ADGRL3: variants seen among roughly 807,000 people sequenced by gnomAD.
ADGRL3 encodes the protein calcium-independent alpha-latrotoxin receptor 3.
Under a neutral mutation model 153.5 loss-of-function variants are expected in ADGRL3, and 62 were observed. The ratio of observed to expected loss-of-function variants is 0.40; its 90% confidence interval spans 0.33 to 0.50. The LOEUF (loss-of-function observed/expected upper bound fraction) is 0.50. ADGRL3 is among the 20% of genes least tolerant of loss of function. The probability of loss-of-function intolerance (pLI) is 0.47; values close to 1 mark genes in which losing one functional copy is unlikely to be tolerated. For synonymous variants in ADGRL3, 710 were observed against 672.5 expected, an observed-to-expected ratio of 1.06 and a Z score of -0.86; for missense variants, 1,641 against 1,859.4, an observed-to-expected ratio of 0.88 and a Z score of 2.16.
At chr4:61,869,146 G>T (rs1043685569) in intron 9 of ADGRL3, among the ~76,000 whole-genome samples, 11 of 152,000 alleles carry the variant, frequency 7.2e-5, no homozygotes, top group African/African-American at 2.7e-4. Context: ...GTTTTACCAT[G>T]TTGCCCAGGC....
At chr4:61,670,911 C>A (rs1254650176) in intron 5 of ADGRL3, among the ~76,000 whole-genome samples, 2 of 152,132 alleles carry the variant, frequency 1.3e-5, no homozygotes, top group African/African-American at 4.8e-5. Flanking sequence ...GTAGGATGTC[C>A]TCGGTCCTTG....
At chr4:61,982,650 T>G (rs887056635) in intron 18 of ADGRL3, among the ~76,000 whole-genome samples, 1 of 152,156 alleles carries the variant, frequency 6.6e-6, no homozygotes, top group Non-Finnish European at 1.5e-5. Context: ...TTGTAGTACT[T>G]TAGAAAATAT....
chr4:62,043,301 A>G (rs958355546), intron 24 of ADGRL3, among the ~76,000 whole-genome samples: 1 of 152,190 alleles, frequency 6.6e-6, no homozygotes, highest in South Asian at 2.1e-4. Context: ...TTGGCAGGCA[A>G]TAGAGGGTAA....
At chr4:61,636,970 A>G (rs1286684397) in intron 5 of ADGRL3, among the ~76,000 whole-genome samples, 1 of 152,156 alleles carries the variant, frequency 6.6e-6, no homozygotes, top group African/African-American at 2.4e-5. Flanking sequence ...GTATACTATT[A>G]TAAGGTTCTT....
At chr4:61,762,721 A>T (rs907629098) in intron 8 of ADGRL3, among the ~76,000 whole-genome samples, 13 of 152,202 alleles carry the variant, frequency 8.5e-5, no homozygotes, top group African/African-American at 3.1e-4. Flanking sequence ...TTTTGCTAAG[A>T]TACAAAAATC....
chr4:61,746,762 T>G (rs1347464312), intron 8 of ADGRL3, among the ~76,000 whole-genome samples: 1 of 151,990 alleles, frequency 6.6e-6, no homozygotes, highest in East Asian at 1.9e-4. Context: ...GCAGGAAAGA[T>G]CCAAAATTGA....
chr4:61,877,998 C>T (rs543887606), intron 9 of ADGRL3, among the ~76,000 whole-genome samples: 1 of 152,280 alleles, frequency 6.6e-6, no homozygotes, highest in African/African-American at 2.4e-5. Context: ...TGCCTTGCCT[C>T]CCCTTCACCT....
intron 2 of ADGRL3, among the ~76,000 whole-genome samples, chr4:61,440,702 A>T (rs1251403078): frequency 6.6e-6 from 1 of 152,104 alleles, no homozygotes; most frequent in Non-Finnish European, 1.5e-5. Flanking sequence ...TTGTTGGTCC[A>T]TGATGTTCTA....
intron 8 of ADGRL3, among the ~76,000 whole-genome samples, chr4:61,788,639 C>T (rs2152422115): frequency 6.6e-6 from 1 of 152,158 alleles, no homozygotes; most frequent in South Asian, 2.1e-4. Context: ...CTTTAACACC[C>T]CCAAAAGATC....
At position 62,070,402 on chromosome 4, in the gene ADGRL3, A is replaced by T. The variant is rs1289508905; in HGVS notation, c.4126A>T (p.Ile1376Phe). 6.4e-7 allele frequency: 1 copy of T among 1,552,020 alleles called. No homozygotes were observed. The highest frequency in any genetic ancestry group is 1.2e-5 in the South Asian group (1 of 84,046). ...NLGSGREDDAIVLDDATSFNH... is the reference protein window; with the variant it reads ...NLGSGREDDAFVLDDATSFNH... Reference sequence around the variant, plus strand: ...TGGCAGTGGAAGGGAAGATGATGCCATTGTCCTGGATGATGCCACCTCGTT... The same window carrying T: ...TGGCAGTGGAAGGGAAGATGATGCCTTTGTCCTGGATGATGCCACCTCGTT... The change falls in exon 27 of 27, where the codon ATT becomes TTT. Residue 1376 changes from isoleucine to phenylalanine, a missense_variant. Ile to Phe is a conservative substitution (Grantham distance 21). Transcript: ENST00000683033.
At chr4:61,389,719 A>G (rs2096780700) in intron 2 of ADGRL3, among the ~76,000 whole-genome samples, 1 of 152,188 alleles carries the variant, frequency 6.6e-6, no homozygotes, top group Non-Finnish European at 1.5e-5. Context: ...AAGCACATTA[A>G]TTATTCAGAC....
intron 8 of ADGRL3, among the ~76,000 whole-genome samples, chr4:61,792,131 G>A (rs367549444): frequency 3.3e-5 from 5 of 152,276 alleles, no homozygotes; most frequent in Admixed American, 2.0e-4. Context: ...ACATTGTCAG[G>A]CTGCAAACAA....
chr4:61,336,129 T>C (rs1357963584), intron 1 of ADGRL3, among the ~76,000 whole-genome samples: 3 of 152,186 alleles, frequency 2.0e-5, no homozygotes, highest in Admixed American at 1.3e-4. Flanking sequence ...GAATGAATAA[T>C]ATAAAATACT....
intron 5 of ADGRL3, among the ~76,000 whole-genome samples, chr4:61,631,246 G>T (rs1362651434): frequency 3.3e-5 from 5 of 152,028 alleles, no homozygotes; most frequent in Admixed American, 2.0e-4. Context: ...CAATTTTATG[G>T]AATAGTCATA....
intron 6 of ADGRL3, among the ~76,000 whole-genome samples, chr4:61,679,501 TTTTTC>T (rs2095287474): frequency 1.3e-5 from 2 of 152,094 alleles, no homozygotes; most frequent in African/African-American, 4.8e-5. Context: ...CACTCAGCTA[TTTTTC>T]TTTTCTTAAG....
chr4:61,239,843 T>C (rs1754232521), intron 1 of ADGRL3, among the ~76,000 whole-genome samples: 1 of 151,916 alleles, frequency 6.6e-6, no homozygotes, highest in Admixed American at 6.6e-5. Context: ...AATTAGAAAA[T>C]AGTTAAGAAA....
chr4:61,661,284 T>C (rs2094585721), intron 5 of ADGRL3, among the ~76,000 whole-genome samples: 1 of 152,086 alleles, frequency 6.6e-6, no homozygotes, highest in Admixed American at 6.5e-5. Flanking sequence ...GCATACAATC[T>C]GTTGTGAATA....
At chr4:61,267,102 A>G (rs1472384813) in intron 1 of ADGRL3, among the ~76,000 whole-genome samples, 1 of 151,810 alleles carries the variant, frequency 6.6e-6, no homozygotes, top group Non-Finnish European at 1.5e-5. Context: ...CAAAATAAAT[A>G]AGTAGCATAA....
chr4:61,845,756 A>G (rs2098110045), intron 9 of ADGRL3, among the ~76,000 whole-genome samples: 1 of 152,112 alleles, frequency 6.6e-6, no homozygotes, highest in African/African-American at 2.4e-5. Flanking sequence ...ACGCTTAATG[A>G]CAGAAATAAA....
Sources: allele counts gnomAD v4.1 joint callset (sites outside exome capture counted in the v4.1 genomes callset), GRCh38; gene constraint gnomAD v4.1.1; transcripts MANE v1.5; gene names NCBI Gene and HGNC (gene_info 2026-07-23, HGNC 2026-07-21).